Variants in GRID2 observed in about 807,000 individuals in gnomAD.
GRID2 encodes the protein glutamate ionotropic receptor delta type subunit 2.
A neutral mutation model predicts 114.8 loss-of-function variants in GRID2; 33 were observed. That is an observed-to-expected ratio of 0.29 (90% CI 0.22 to 0.38). GRID2 has a LOEUF of 0.38. Ranked by LOEUF, GRID2 falls within the 10% of genes least tolerant of loss-of-function variation. The pLI is 1.00. For missense variants in GRID2, 1,184 were observed against 1,257.7 expected (o/e 0.94, Z 0.89); for synonymous variants, 505 against 449.9 (o/e 1.12, Z -1.55).
chr4:92,348,515 G>A (rs531119106), intron 1 of GRID2, among the ~76,000 whole-genome samples: 8 of 152,234 alleles, frequency 5.3e-5, no homozygotes, highest in African/African-American at 1.7e-4. Context: ...GTTAAATTAT[G>A]TTTATTTCAG....
rs1005455403 is a variant in GRID2, at chr4:93,593,809, C to T, written c.2194-32460C>T. Among the ~76,000 whole-genome samples the T allele has an allele frequency of 5.9e-5, 9 of 152,212 alleles. No individual in the cohort carries two copies. The East Asian group carries it at 1.4e-3, about 23-fold the overall frequency. On this transcript the variant is annotated intron_variant, in intron 13 of 15. Transcript: ENST00000282020. ...TCTCGCTTCATTTCATTTATTTCAT[C>T]TTCCATTGCTGATACCCTTTCTTCC... is the stretch of plus-strand genomic sequence containing the variant.
chr4:93,204,034 G>C (rs1484057184), intron 4 of GRID2: 1 of 152,142 alleles, frequency 6.6e-6, no homozygotes, highest in African/African-American at 2.4e-5. Context: ...GGATTTTGAT[G>C]ATCATCTAGC....
chr4:92,591,688 A>G (rs892885418), intron 2 of GRID2, among the ~76,000 whole-genome samples: 1 of 152,164 alleles, frequency 6.6e-6, no homozygotes, highest in Non-Finnish European at 1.5e-5. Context: ...TTTTCAATCA[A>G]TAGCACTGGC....
intron 11 of GRID2, among the ~76,000 whole-genome samples, chr4:93,462,360 A>G (rs1396742952): frequency 6.6e-6 from 1 of 152,176 alleles, no homozygotes; most frequent in African/African-American, 2.4e-5. Context: ...AAAAGAATAA[A>G]GAAGGAAAAT....
chr4:93,025,854 T>G (rs1345797477), intron 2 of GRID2, among the ~76,000 whole-genome samples: 1 of 151,744 alleles, frequency 6.6e-6, no homozygotes, highest in Non-Finnish European at 1.5e-5. Flanking sequence ...TTTTAATGTG[T>G]ATTCCTGGGC....
intron 10 of GRID2, among the ~76,000 whole-genome samples, chr4:93,451,508 T>G (rs1722680911): frequency 6.6e-6 from 1 of 152,012 alleles, no homozygotes; most frequent in African/African-American, 2.4e-5. Flanking sequence ...TGAAGCAGGT[T>G]GGGGATAGCC....
chr4:92,445,540 A>G (rs559654888), intron 1 of GRID2, among the ~76,000 whole-genome samples: 1 of 152,346 alleles, frequency 6.6e-6, no homozygotes, highest in African/African-American at 2.4e-5. Context: ...CAGTTTTGGT[A>G]TTCAAAAGGA....
intron 12 of GRID2, 107 bp from the exon 13 acceptor site, chr4:93,515,109 A>T: frequency 2.2e-6 from 1 of 464,736 alleles, no homozygotes; most frequent in Admixed American, 4.0e-5. Flanking sequence ...AAGCAATTTG[A>T]TATATGTTTC....
intron 4 of GRID2, among the ~76,000 whole-genome samples, chr4:93,184,981 ATT>A (rs1740269920): frequency 6.6e-6 from 1 of 152,236 alleles, no homozygotes; most frequent in African/African-American, 2.4e-5. Context: ...ACCATGAGTA[ATT>A]CAGTATTCAT....
At chr4:93,716,854 A>AT (rs1728944422) in intron 14 of GRID2, among the ~76,000 whole-genome samples, 1 of 152,108 alleles carries the variant, frequency 6.6e-6, no homozygotes, top group Non-Finnish European at 1.5e-5. Context: ...AGAACTTTAT[A>AT]AATGTATTCA....
At chr4:92,593,838 C>T (rs1009229490) in intron 2 of GRID2, among the ~76,000 whole-genome samples, 12 of 147,700 alleles carry the variant, frequency 8.1e-5, no homozygotes, top group Admixed American at 4.2e-4. Flanking sequence ...CCTTAACTCA[C>T]GAGGTTTTCT....
intron 1 of GRID2, among the ~76,000 whole-genome samples, chr4:92,351,412 G>A (rs1728065163): frequency 1.3e-5 from 2 of 151,846 alleles, no homozygotes; most frequent in Non-Finnish European, 1.5e-5. Context: ...TGGGGTAGAG[G>A]TTGATATTTT....
At chr4:92,959,138 C>G (rs1454827616) in intron 2 of GRID2, among the ~76,000 whole-genome samples, 1 of 127,184 alleles carries the variant, frequency 7.9e-6, no homozygotes, top group Non-Finnish European at 1.6e-5. Context: ...AAAAGACTGA[C>G]TTTTGATTTC....
chr4:93,184,290 T>C (rs1740183259), intron 4 of GRID2, among the ~76,000 whole-genome samples: 1 of 152,098 alleles, frequency 6.6e-6, no homozygotes, highest in African/African-American at 2.4e-5. Flanking sequence ...AAGGCACACA[T>C]TTTAACAACG....
At chr4:93,110,397 G>A (rs1732652298) in intron 3 of GRID2, among the ~76,000 whole-genome samples, 1 of 152,212 alleles carries the variant, frequency 6.6e-6, no homozygotes, top group Middle Eastern at 3.4e-3. Context: ...AAATGCTAAG[G>A]AAAATAGGGA....
intron 2 of GRID2, among the ~76,000 whole-genome samples, chr4:92,952,007 A>G (rs1177738811): frequency 6.6e-6 from 1 of 152,198 alleles, no homozygotes; most frequent in Non-Finnish European, 1.5e-5. Flanking sequence ...ACAATGATTC[A>G]GTGAAACACT....
intron 13 of GRID2, among the ~76,000 whole-genome samples, chr4:93,592,934 T>G (rs1738556444): frequency 6.6e-6 from 1 of 151,370 alleles, no homozygotes; most frequent in Non-Finnish European, 1.5e-5. Context: ...ATCCTTTTAT[T>G]TTGAGCCTAT....
intron 4 of GRID2, among the ~76,000 whole-genome samples, chr4:93,114,495 A>C (rs1056221384): frequency 1.3e-5 from 2 of 152,028 alleles, no homozygotes; most frequent in Non-Finnish European, 2.9e-5. Context: ...TATCTTTTAT[A>C]ATCACTGATT....
intron 2 of GRID2, among the ~76,000 whole-genome samples, chr4:92,735,018 A>T (rs889037988): frequency 6.6e-6 from 1 of 151,890 alleles, no homozygotes; most frequent in Non-Finnish European, 1.5e-5. Context: ...GGCTCAAGCA[A>T]TCCACCTTCC....
Sources: gnomAD v4.1 joint callset for allele counts (sites outside exome capture counted in the v4.1 genomes callset) on GRCh38, gnomAD v4.1.1 for gene constraint, MANE v1.5 for transcripts, NCBI Gene and HGNC (gene_info 2026-07-23, HGNC 2026-07-21) for gene names.